The following TFEC variants were observed in gnomAD, a reference collection of about 807,000 sequenced individuals.
The protein encoded by TFEC is class E basic helix-loop-helix protein 34.
Under a neutral mutation model 41.6 loss-of-function variants are expected in TFEC, and 31 were observed. That is an observed-to-expected ratio of 0.74 (90% CI 0.56 to 1.01). The LOEUF is 1.01. TFEC is among the 50% of genes least tolerant of loss of function. TFEC has a pLI of 0.00. For missense variants in TFEC, 402 were observed against 404.1 expected, an observed-to-expected ratio of 0.99 and a Z score of 0.04; for synonymous variants, 143 against 140.6, an observed-to-expected ratio of 1.02 and a Z score of -0.12.
chr7:115,968,308 C>G, intron 3 of TFEC: 3 of 1,495,350 alleles, frequency 2.0e-6, no homozygotes, highest in Non-Finnish European at 2.7e-6. Context: ...AACTTCTACA[C>G]TAAAGTGAAC....
intron 3 of TFEC, among the ~76,000 whole-genome samples, chr7:116,084,945 A>T (rs10263480): frequency 0.1 from 15,448 of 151,892 alleles, 867 homozygotes; most frequent in African/African-American, 0.14. Flanking sequence ...TAACGTGTGC[A>T]TTTATCAACT....
chr7:116,037,853 T>C (rs1795946164), intron 3 of TFEC, among the ~76,000 whole-genome samples: 1 of 152,070 alleles, frequency 6.6e-6, no homozygotes, highest in Admixed American at 6.6e-5. Context: ...AAAGTTATTA[T>C]GTCCTTAACA....
chr7:116,042,802 T>C (rs1239094783), intron 3 of TFEC, among the ~76,000 whole-genome samples: 1 of 152,158 alleles, frequency 6.6e-6, no homozygotes, highest in African/African-American at 2.4e-5. Context: ...GAAATCTCTT[T>C]AATTCAATGG....
intron 3 of TFEC, among the ~76,000 whole-genome samples, chr7:116,088,240 C>T (rs941390677): frequency 1.6e-4 from 24 of 152,118 alleles, no homozygotes; most frequent in Non-Finnish European, 1.3e-4. Flanking sequence ...ATCCCCACTC[C>T]TCGTTACTAT....
At position 116,094,725 on chromosome 7, in the gene TFEC, CA is replaced by C. The variant is rs200725632; in HGVS notation, c.198+15982del. ...AAAACAAACAAACAAAAAACAACAACAAAAAAAACAGAGTACATTGAGATAT... is the reference window on the plus strand; with the variant it reads ...AAAACAAACAAACAAAAAACAACAACAAAAAAACAGAGTACATTGAGATAT... On this transcript the variant is annotated intron_variant, in intron 3 of 8. Coordinates refer to the TFEC transcript ENST00000484212. 2.6e-3 allele frequency among the ~76,000 whole-genome samples: 402 copies of C among 151,702 alleles called. 4 individuals are homozygous for C. The highest frequency in any genetic ancestry group is 1.2e-3 in the Admixed American group (19 of 15,212).
At chr7:115,993,840 A>G (rs1282980131) in intron 1 of TFEC, among the ~76,000 whole-genome samples, 1 of 152,194 alleles carries the variant, frequency 6.6e-6, no homozygotes, top group African/African-American at 2.4e-5. Flanking sequence ...TTCTTCACAG[A>G]ATTGCAAAAA....
chr7:115,960,112 T>C (rs751287026), intron 3 of TFEC, among the ~76,000 whole-genome samples: 32 of 151,154 alleles, frequency 2.1e-4, no homozygotes, highest in Non-Finnish European at 4.1e-4. Context: ...TAAAATGAAA[T>C]AATATACAAT....
intron 3 of TFEC, among the ~76,000 whole-genome samples, chr7:116,050,496 A>G (rs932382182): frequency 3.9e-5 from 6 of 152,254 alleles, no homozygotes; most frequent in African/African-American, 1.4e-4. Context: ...GGATATGAAC[A>G]GACACTTCTC....
intron 1 of TFEC, among the ~76,000 whole-genome samples, chr7:115,989,275 A>G (rs1793996442): frequency 6.6e-6 from 1 of 152,190 alleles, no homozygotes; most frequent in African/African-American, 2.4e-5. Flanking sequence ...CAATCATGGG[A>G]GGAGGTTCCA....
At chr7:115,995,248 G>A (rs996121661) in intron 1 of TFEC, among the ~76,000 whole-genome samples, 2 of 151,392 alleles carry the variant, frequency 1.3e-5, no homozygotes, top group African/African-American at 4.9e-5. Context: ...TAATGTAAAT[G>A]ATGAGTTAAT....
chr7:116,084,869 A>G (rs1270728541), intron 3 of TFEC, among the ~76,000 whole-genome samples: 1 of 151,904 alleles, frequency 6.6e-6, no homozygotes, highest in Non-Finnish European at 1.5e-5. Flanking sequence ...TATTGCAGTT[A>G]TATTTGTATC....
At chr7:115,994,772 T>A (rs1794286174) in intron 1 of TFEC, among the ~76,000 whole-genome samples, 1 of 152,152 alleles carries the variant, frequency 6.6e-6, no homozygotes, top group Non-Finnish European at 1.5e-5. Flanking sequence ...GTTCAACCAT[T>A]GTGGAAGACA....
At chr7:116,092,877 C>T (rs776944441) in intron 3 of TFEC, among the ~76,000 whole-genome samples, 13 of 152,212 alleles carry the variant, frequency 8.5e-5, no homozygotes, top group Middle Eastern at 3.4e-3. Flanking sequence ...ACTATGGAAG[C>T]GAGTCTGACC....
At chr7:116,058,138 A>T (rs1287218134) in intron 3 of TFEC, among the ~76,000 whole-genome samples, 1 of 151,842 alleles carries the variant, frequency 6.6e-6, no homozygotes, top group Non-Finnish European at 1.5e-5. Context: ...TTTCTATAAG[A>T]AATTCACTTT....
intron 3 of TFEC, among the ~76,000 whole-genome samples, chr7:116,053,849 G>A (rs1404244): frequency 0.41 from 61,683 of 152,036 alleles, 12,743 homozygotes; most frequent in African/African-American, 0.49. Flanking sequence ...TTCCATTTGA[G>A]ATATTTTGTT....
intron 3 of TFEC, among the ~76,000 whole-genome samples, chr7:116,097,992 C>A (rs546500895): frequency 6.6e-6 from 1 of 152,096 alleles, no homozygotes; most frequent in African/African-American, 2.4e-5. Context: ...CTTAACTCTT[C>A]ACATATCAAT....
chr7:116,135,024 A>G (rs754821727), intron 1 of TFEC, among the ~76,000 whole-genome samples: 1 of 152,158 alleles, frequency 6.6e-6, no homozygotes, highest in Non-Finnish European at 1.5e-5. Flanking sequence ...ACATTTTGAA[A>G]TGCGTCAAAA....
chr7:115,958,779 A>C (rs780349838), intron 3 of TFEC, among the ~76,000 whole-genome samples: 7 of 151,864 alleles, frequency 4.6e-5, no homozygotes, highest in Non-Finnish European at 1.0e-4. Context: ...CTAAAGCACA[A>C]TAATTAATAT....
At chr7:116,076,968 T>C (rs895752881) in intron 3 of TFEC, among the ~76,000 whole-genome samples, 7 of 152,140 alleles carry the variant, frequency 4.6e-5, no homozygotes, top group Non-Finnish European at 1.0e-4. Context: ...CCTAGTCACA[T>C]AGTCATCAGA....
Sources: gnomAD v4.1 joint callset for allele counts (sites outside exome capture counted in the v4.1 genomes callset) on GRCh38, gnomAD v4.1.1 for gene constraint, MANE v1.5 for transcripts, NCBI Gene and HGNC (gene_info 2026-07-23, HGNC 2026-07-21) for gene names.